The following PRDM2 variants were observed in gnomAD, a reference collection of about 807,000 sequenced individuals.
The protein encoded by PRDM2 is PR domain zinc finger protein 2.
PRDM2 carries 30 observed loss-of-function variants against 130.0 expected under a neutral mutation model. That is an observed-to-expected ratio of 0.23 (90% CI 0.17 to 0.31). PRDM2 has a LOEUF of 0.31. Ranked by LOEUF, PRDM2 falls within the 10% of genes least tolerant of loss-of-function variation. PRDM2 has a pLI of 1.00. For synonymous variants in PRDM2, 871 were observed against 782.4 expected (o/e 1.11, Z -1.89); for missense variants, 2,011 against 2,108.4 (o/e 0.95, Z 0.90).
At position 13,749,378 on chromosome 1, in the gene PRDM2, G is replaced by C. The variant is rs1444853751; in HGVS notation, c.402G>C (p.Glu134Asp). 1 of 1,493,254 alleles carries C rather than the reference G, an allele frequency of 6.7e-7. No homozygotes were observed. Among genetic ancestry groups the C allele is most frequent in the South Asian group, 1.1e-5 (1 of 87,234 alleles). 92.5% of individuals were successfully genotyped at this position (1,493,254 alleles called of 1,614,324 possible). A position where few individuals can be genotyped will look rare whatever the true frequency, so the allele number is the denominator to read the frequency against. The change falls in exon 6 of 10, where the codon GAG becomes GAC. Residue 134 changes from glutamate (E) to aspartate (D), a missense_variant. Transcript: ENST00000311066. ...YKTLKPIAPG[E>D]ELLVWYNGED... ...CCCCGCAGCCAATCGCGCCGGGCGA[G>C]GAGCTCCTGGTCTGGTACAATGGGG...
At chr1:13,721,373 A>C (rs978530430) in intron 2 of PRDM2, among the ~76,000 whole-genome samples, 1 of 151,906 alleles carries the variant, frequency 6.6e-6, no homozygotes, top group African/African-American at 2.4e-5. Context: ...AGTTGAAACC[A>C]CTTTCACTGT....
intron 9 of PRDM2, among the ~76,000 whole-genome samples, chr1:13,821,147 G>C (rs977631771): frequency 6.7e-6 from 1 of 149,436 alleles, no homozygotes; most frequent in African/African-American, 2.5e-5. Context: ...TTCAATTCAC[G>C]CATCTGCGAA....
At chr1:13,727,562 CTT>C (rs1469677032) in intron 2 of PRDM2, among the ~76,000 whole-genome samples, 1 of 152,162 alleles carries the variant, frequency 6.6e-6, no homozygotes, top group South Asian at 2.1e-4. Context: ...GCGTTCCCCT[CTT>C]TTTTTTCATT....
chr1:13,735,615 T>C (rs1643243760), intron 4 of PRDM2, among the ~76,000 whole-genome samples: 2 of 152,148 alleles, frequency 1.3e-5, no homozygotes, highest in Non-Finnish European at 1.5e-5. Context: ...ACAGTACAGA[T>C]AGTTCCCAAA....
At chr1:13,739,958 T>C (rs1229363986) in intron 4 of PRDM2, among the ~76,000 whole-genome samples, 2 of 152,236 alleles carry the variant, frequency 1.3e-5, no homozygotes, top group African/African-American at 2.4e-5. Flanking sequence ...AGTTTAGTAT[T>C]ATGAGGTTTT....
chr1:13,787,449 CTAGG>C, intron 8 of PRDM2: 1 of 985,278 alleles, frequency 1.0e-6, no homozygotes, highest in Admixed American at 6.1e-5. Context: ...TGGAAAGCGG[CTAGG>C]TTTTATTCAT....
intron 7 of PRDM2, among the ~76,000 whole-genome samples, chr1:13,776,778 C>T (rs1644484112): frequency 6.6e-6 from 1 of 152,166 alleles, no homozygotes; most frequent in Non-Finnish European, 1.5e-5. Flanking sequence ...CCACCACTCT[C>T]TTGGTTCTCT....
At chr1:13,740,463 G>A (rs1165121602) in intron 4 of PRDM2, among the ~76,000 whole-genome samples, 1 of 152,128 alleles carries the variant, frequency 6.6e-6, no homozygotes, top group Non-Finnish European at 1.5e-5. Context: ...TACTCTCCTT[G>A]GTGCCTATGA....
At chr1:13,744,700 G>A (rs1643551773) in intron 5 of PRDM2, among the ~76,000 whole-genome samples, 1 of 152,150 alleles carries the variant, frequency 6.6e-6, no homozygotes, top group Admixed American at 6.5e-5. Flanking sequence ...GTCCTCAAGT[G>A]TTAACTAGCT....
intron 8 of PRDM2, among the ~76,000 whole-genome samples, chr1:13,805,724 C>T (rs1295305383): frequency 6.6e-6 from 1 of 152,202 alleles, no homozygotes; most frequent in Non-Finnish European, 1.5e-5. Context: ...CTGCGGCCAG[C>T]GATGTGGCCT....
chr1:13,748,861 C>T (rs533857337), intron 5 of PRDM2, among the ~76,000 whole-genome samples: 2 of 152,302 alleles, frequency 1.3e-5, no homozygotes, highest in African/African-American at 4.8e-5. Context: ...GGGATAGAAA[C>T]CGCGGCGCAT....
In PRDM2 at chr1:13,806,286, C is replaced by G. The variant is rs1292673318; in HGVS notation, c.5037-10141C>G. Among the ~76,000 whole-genome samples, 2 of 149,396 alleles carry G rather than the reference C, an allele frequency of 1.3e-5. No homozygotes were observed. The highest frequency in any genetic ancestry group is 5.0e-5 in the African/African-American group (2 of 39,798). On this transcript the variant is annotated intron_variant, in intron 8 of 9. Transcript: ENST00000311066. The surrounding 1 kb of genome is among the most constrained non-coding windows in gnomAD (Gnocchi z 4.1). ...CCCGCATCCCGCCTCCATCCCTGGG[C>G]TCTGTCCCCTCGCTCCGTCTCCGCT... is the stretch of plus-strand genomic sequence containing the variant.
chr1:13,756,057 CTGGCTAACA>C (rs1401989937), intron 6 of PRDM2, among the ~76,000 whole-genome samples: 1 of 150,760 alleles, frequency 6.6e-6, no homozygotes, highest in Non-Finnish European at 1.5e-5. Flanking sequence ...CGAGACCATC[CTGGCTAACA>C]TGGTGAAACC....
At position 13,773,140 on chromosome 1, in the gene PRDM2, A is replaced by G; in HGVS notation, c.574A>G (p.Thr192Ala). Residue 192 changes from threonine (T) to alanine (A), a missense_variant, in exon 7 of 10, where the codon ACA becomes GCA. Thr to Ala is a moderately conservative substitution (Grantham distance 58). Around this residue, in one of 5 missense-constraint regions of PRDM2, gnomAD observed 1,288 missense variants for 1,237.7 expected, o/e 1.04. Transcript: ENST00000311066. Reference sequence around the variant, plus strand: ...CAAAATCCAAGACATACAACTGAAGACAAGTGAGCCAGATTTCACCTCTGC... The same window carrying G: ...CAAAATCCAAGACATACAACTGAAGGCAAGTGAGCCAGATTTCACCTCTGC... ...GNKIQDIQLK[T>A]SEPDFTSANM... The G allele has an allele frequency of 6.3e-7, 1 of 1,579,312 alleles. No individual in the cohort carries two copies. Among genetic ancestry groups the G allele is most frequent in the Non-Finnish European group, 8.6e-7 (1 of 1,167,052 alleles).
intron 6 of PRDM2, among the ~76,000 whole-genome samples, chr1:13,764,195 A>G (rs1644170064): frequency 1.3e-5 from 2 of 152,122 alleles, no homozygotes; most frequent in Non-Finnish European, 2.9e-5. Context: ...GGTACTGGAA[A>G]TGCACCTCCT....
intron 9 of PRDM2, among the ~76,000 whole-genome samples, chr1:13,819,446 G>T (rs964808625): frequency 6.6e-6 from 1 of 152,114 alleles, no homozygotes; most frequent in African/African-American, 2.4e-5. Context: ...AACAACGAAG[G>T]CTCCAAACTC....
At chr1:13,729,845 A>C (rs1643045574) in intron 2 of PRDM2, among the ~76,000 whole-genome samples, 1 of 152,184 alleles carries the variant, frequency 6.6e-6, no homozygotes, top group Non-Finnish European at 1.5e-5. Flanking sequence ...AGCAGGCCAG[A>C]GAGTAGATGA....
At chr1:13,790,888 AG>A (rs1344743598) in intron 8 of PRDM2, among the ~76,000 whole-genome samples, 2 of 152,022 alleles carry the variant, frequency 1.3e-5, no homozygotes, top group East Asian at 3.9e-4. Flanking sequence ...TGATCTGAGA[AG>A]CTTTAGGGTG....
Position 13,778,898 on chromosome 1 carries a change from A to C in PRDM2, c.1103A>C (p.Lys368Thr). The C allele has an allele frequency of 6.2e-7, 1 of 1,614,220 alleles. No individual in the cohort carries two copies. The highest frequency in any genetic ancestry group is 8.5e-7 in the Non-Finnish European group (1 of 1,180,034). ...FMFPCQHCER[K>T]FTTKQGLERH... is the part of the protein sequence containing the mutation. ...TTTCCGTGTCAACATTGTGAAAGGA[A>C]GTTTACAACCAAACAGGGGCTTGAG... The change falls in exon 8 of 10, where the codon AAG becomes ACG. Residue 368 changes from lysine to threonine, a missense_variant. Lys to Thr is a moderately conservative substitution (Grantham distance 78, BLOSUM62 -1). Around this residue, in one of 5 missense-constraint regions of PRDM2, gnomAD observed 1,288 missense variants for 1,237.7 expected, o/e 1.04. Coordinates refer to ENST00000311066, the MANE Select transcript of PRDM2 (RefSeq NM_001393986.1).
Sources: allele counts gnomAD v4.1 joint callset (sites outside exome capture counted in the v4.1 genomes callset), GRCh38; gene constraint gnomAD v4.1.1; regional missense constraint gnomAD v4.1.1; non-coding constraint Gnocchi (gnomAD v3.1); transcripts MANE v1.5; gene names NCBI Gene and HGNC (gene_info 2026-07-23, HGNC 2026-07-21).